The following RANBP2 variants were observed in gnomAD, a reference collection of about 807,000 sequenced individuals.
RANBP2 encodes the protein E3 SUMO-protein ligase RanBP2.
Under a neutral mutation model 303.6 loss-of-function variants are expected in RANBP2, and 57 were observed. The observed-to-expected ratio is 0.19, with a 90% CI of 0.15 to 0.23. The LOEUF is 0.23. Ranked by LOEUF, RANBP2 falls within the 10% of genes least tolerant of loss-of-function variation. The pLI is 1.00. For synonymous variants in RANBP2, 1,167 were observed against 1,301.5 expected, an observed-to-expected ratio of 0.90 and a Z score of 2.23; for missense variants, 3,138 against 3,780.8, an observed-to-expected ratio of 0.83 and a Z score of 4.46.
chr2:109,128,147 G>C, the RANBP2 span: 1 of 152,232 alleles, frequency 6.6e-6, no homozygotes, highest in Non-Finnish European at 1.5e-5. Context: ...AACGCAAAGC[G>C]GCCACGAGGG....
the RANBP2 span, among the ~76,000 whole-genome samples, chr2:109,285,022 G>C: frequency 6.6e-6 from 1 of 152,228 alleles, no homozygotes; most frequent in Non-Finnish European, 1.5e-5. Flanking sequence ...TTGTCTGTGC[G>C]CTGTGCCGCG....
chr2:108,980,557 T>C, the RANBP2 span, among the ~76,000 whole-genome samples: 6 of 152,184 alleles, frequency 3.9e-5, no homozygotes, highest in South Asian at 4.1e-4. Flanking sequence ...TACATGCATA[T>C]GTATAAGTCG....
Position 108,754,917 on chromosome 2 carries a change from C to T in RANBP2, c.2215C>T (p.Leu739=), listed in dbSNP as rs773147535. 10 of 1,611,670 alleles carry T rather than the reference C, an allele frequency of 6.2e-6. No homozygotes were observed. In the Admixed American group the frequency reaches 1.2e-4, roughly 19 times the overall value. The part of the protein sequence containing the change: ...LSVVKKLPVP[L]ESVKEMLNSV... ...CTTTTATTTTTAGTTGCCTGTGCCC[C>T]TGGAGTCTGTAAAAGAGATGCTTAA... is the stretch of plus-strand genomic sequence containing the variant. The change falls in exon 16 of 29, where the codon CTG becomes TTG. Residue 739 remains leucine (L), a synonymous_variant. Coordinates refer to ENST00000283195, the MANE Select transcript of RANBP2 (RefSeq NM_006267.5).
chr2:109,198,859 C>T, the RANBP2 span, among the ~76,000 whole-genome samples: 1 of 152,202 alleles, frequency 6.6e-6, no homozygotes, highest in South Asian at 2.1e-4. Context: ...CAGGATGTGA[C>T]TATACTGAAC....
the RANBP2 span, among the ~76,000 whole-genome samples, chr2:109,632,184 A>G: frequency 6.6e-6 from 1 of 152,220 alleles, no homozygotes; most frequent in Admixed American, 6.6e-5. Flanking sequence ...AAGGCCACTG[A>G]AGCTCTGCAT....
At chr2:108,905,701 G>A in the RANBP2 span, among the ~76,000 whole-genome samples, 10 of 152,282 alleles carry the variant, frequency 6.6e-5, no homozygotes, top group African/African-American at 2.4e-4. Flanking sequence ...GGGTTAATAA[G>A]AAGGTAATTT....
the RANBP2 span, among the ~76,000 whole-genome samples, chr2:109,193,232 G>A: frequency 6.6e-6 from 1 of 152,204 alleles, no homozygotes; most frequent in African/African-American, 2.4e-5. Flanking sequence ...GAGTGAGTGA[G>A]AGAGAAATAG....
At chr2:109,607,094 G>A in the RANBP2 span, among the ~76,000 whole-genome samples, 6 of 152,118 alleles carry the variant, frequency 3.9e-5, no homozygotes, top group African/African-American at 9.7e-5. Context: ...CATGGCCATC[G>A]CTTCGTTTAC....
At chr2:108,965,373 C>T in the RANBP2 span, among the ~76,000 whole-genome samples, 17 of 149,948 alleles carry the variant, frequency 1.1e-4, no homozygotes, top group East Asian at 3.9e-4. Flanking sequence ...CCCAGCTACT[C>T]GGGAGGCTGA....
At chr2:109,366,679 T>G in the RANBP2 span, among the ~76,000 whole-genome samples, 1 of 152,092 alleles carries the variant, frequency 6.6e-6, no homozygotes. Context: ...TGAGACCTTG[T>G]CTCTACAAAT....
At chr2:109,414,873 A>G in the RANBP2 span, among the ~76,000 whole-genome samples, 10 of 152,314 alleles carry the variant, frequency 6.6e-5, no homozygotes, top group East Asian at 1.9e-3. Flanking sequence ...GAAGGGACTG[A>G]TGGCCCCCAC....
the RANBP2 span, among the ~76,000 whole-genome samples, chr2:109,089,245 C>A: frequency 6.6e-6 from 1 of 152,034 alleles, no homozygotes; most frequent in Non-Finnish European, 1.5e-5. Context: ...CAAGGTAAAA[C>A]CAACTGGGAT....
the RANBP2 span, among the ~76,000 whole-genome samples, chr2:109,473,364 T>C: frequency 0.014 from 2,124 of 152,228 alleles, 54 homozygotes; most frequent in East Asian, 0.061. Flanking sequence ...TGACATCGTG[T>C]TCAGAATAGG....
At chr2:109,372,005 A>G in the RANBP2 span, among the ~76,000 whole-genome samples, 2 of 151,658 alleles carry the variant, frequency 1.3e-5, no homozygotes, top group Non-Finnish European at 2.9e-5. Flanking sequence ...TGCTTCTCCA[A>G]CTCCCCCAAG....
chr2:109,662,592 G>GT, the RANBP2 span, among the ~76,000 whole-genome samples: 10 of 151,972 alleles, frequency 6.6e-5, no homozygotes, highest in Non-Finnish European at 1.2e-4. Flanking sequence ...GCTAATTCTT[G>GT]TATTTTTAGG....
chr2:108,952,470 T>A, the RANBP2 span, among the ~76,000 whole-genome samples: 3 of 152,254 alleles, frequency 2.0e-5, no homozygotes, highest in African/African-American at 7.2e-5. Flanking sequence ...TTTAATTCAC[T>A]GCTTCTCTCT....
the RANBP2 span, among the ~76,000 whole-genome samples, chr2:109,345,435 T>C: frequency 2.0e-5 from 3 of 152,110 alleles, no homozygotes; most frequent in Non-Finnish European, 4.4e-5. Flanking sequence ...TTGTTACCAA[T>C]GGTAGCAAAA....
chr2:108,818,973 G>A, the RANBP2 span, among the ~76,000 whole-genome samples: 1 of 152,140 alleles, frequency 6.6e-6, no homozygotes, highest in African/African-American at 2.4e-5. Context: ...CATAAGGGTG[G>A]AATATTATCA....
At chr2:108,971,103 C>T in the RANBP2 span, among the ~76,000 whole-genome samples, 1 of 152,124 alleles carries the variant, frequency 6.6e-6, no homozygotes, top group Admixed American at 6.6e-5. Flanking sequence ...TCACCCCCTC[C>T]GACTCAGTCC....
Sources: gnomAD v4.1 joint callset for allele counts (sites outside exome capture counted in the v4.1 genomes callset) on GRCh38, gnomAD v4.1.1 for gene constraint, MANE v1.5 for transcripts, NCBI Gene and HGNC (gene_info 2026-07-23, HGNC 2026-07-21) for gene names.